TCF7: variants seen among roughly 807,000 people sequenced by gnomAD.
The protein encoded by TCF7 is transcription factor 7.
TCF7 carries 19 observed loss-of-function variants against 46.8 expected under a neutral mutation model. The observed-to-expected ratio is 0.41, with a 90% CI of 0.28 to 0.60. The LOEUF is 0.60. Ranked by LOEUF, TCF7 falls within the 20% of genes least tolerant of loss-of-function variation. The pLI, the probability that TCF7 is intolerant of heterozygous loss-of-function variation, is 0.35. For missense variants in TCF7, 547 were observed against 504.6 expected (o/e 1.08, Z -0.81); for synonymous variants, 245 against 213.4 (o/e 1.15, Z -1.29).
intron 6 of TCF7, 138 bp from the exon 7 acceptor site, chr5:134,142,583 G>A: frequency 1.7e-6 from 2 of 1,180,934 alleles, no homozygotes; most frequent in East Asian, 5.1e-5. Context: ...ACCCATTTGG[G>A]GGCAGCTAGG....
rs1760792127 is a variant in TCF7, at chr5:134,147,048, C to G, written c.*745C>G. On this transcript the variant is annotated 3_prime_UTR_variant, in exon 10 of 10. Coordinates refer to ENST00000342854, the MANE Select transcript of TCF7 (RefSeq NM_003202.5). ...TTTATAAAAACAAAAACAAAACCAGCTGCTACTCATAAGTTGGACCAGAGG... is the reference window on the plus strand; with the variant it reads ...TTTATAAAAACAAAAACAAAACCAGGTGCTACTCATAAGTTGGACCAGAGG... The G allele has an allele frequency of 6.3e-6, 1 of 158,590 alleles. No individual in the cohort carries two copies. 9.8% of individuals were successfully genotyped at this position (158,590 alleles called of 1,614,324 possible). A position where few individuals can be genotyped will look rare whatever the true frequency, so the allele number is the denominator to read the frequency against.
At chr5:134,115,554 G>T (rs928700592) in intron 2 of TCF7, 167 bp downstream of exon 2, 3 of 1,441,306 alleles carry the variant, frequency 2.1e-6, no homozygotes, top group Non-Finnish European at 2.7e-6. Context: ...GGCGCCGCCG[G>T]GTCGAGTCAC....
intron 3 of TCF7, among the ~76,000 whole-genome samples, chr5:134,135,982 ATT>A (rs1758806076): frequency 6.6e-6 from 1 of 152,202 alleles, no homozygotes; most frequent in Admixed American, 6.5e-5. Flanking sequence ...AGAATTGACC[ATT>A]GAGTTCAGGA....
intron 3 of TCF7, chr5:134,123,733 C>A (rs766217901): frequency 4.4e-6 from 2 of 456,152 alleles, no homozygotes; most frequent in African/African-American, 2.0e-5. Flanking sequence ...AGCTGATGGG[C>A]GCATGCAGCA....
At chr5:134,145,811 C>T in intron 9 of TCF7, 1 of 1,613,648 alleles carries the variant, frequency 6.2e-7, no homozygotes, top group Non-Finnish European at 8.5e-7. Flanking sequence ...CTTCCTCTAG[C>T]CCAGCTTGAG....
Position 134,142,605 on chromosome 5 carries a change from T to C in TCF7, c.756-116T>C. On this transcript the variant is annotated intron_variant, in intron 6 of 9. Coordinates refer to ENST00000342854, the MANE Select transcript of TCF7 (RefSeq NM_003202.5). The stretch of plus-strand genomic sequence containing the variant: ...TGGGGGCAGCTAGGAAAGATTCCAC[T>C]TAGAAAACTCTGGTATCATACACTT... 6 of 1,366,738 alleles carry C rather than the reference T, an allele frequency of 4.4e-6. No homozygotes were observed. The South Asian group carries it at 8.9e-5, about 20-fold the overall frequency. 84.7% of individuals were successfully genotyped at this position (1,366,738 alleles called of 1,614,324 possible). A position where few individuals can be genotyped will look rare whatever the true frequency, so the allele number is the denominator to read the frequency against.
At chr5:134,119,349 C>T (rs763718109) in intron 3 of TCF7, among the ~76,000 whole-genome samples, 1 of 151,960 alleles carries the variant, frequency 6.6e-6, no homozygotes, top group African/African-American at 2.4e-5. Context: ...GCCCAGGGAG[C>T]GACTGCTAAT....
intron 9 of TCF7, chr5:134,144,788 TG>T (rs764161706): frequency 8.7e-6 from 14 of 1,613,542 alleles, no homozygotes; most frequent in Non-Finnish European, 1.2e-5. Flanking sequence ...CTGGCATGGC[TG>T]TGAGCAGACC....
intron 5 of TCF7, chr5:134,140,391 A>G: frequency 5.5e-6 from 1 of 181,504 alleles, no homozygotes; most frequent in Non-Finnish European, 1.2e-5. Context: ...TTGGAATCTC[A>G]GGGATTTGAG....
At chr5:134,146,091 G>GACTT in intron 9 of TCF7, 133 bp from the exon 10 acceptor site, 1 of 1,598,194 alleles carries the variant, frequency 6.3e-7, no homozygotes, top group South Asian at 1.1e-5. Context: ...TGAGGACACT[G>GACTT]ACTTACCACC....
At chr5:134,143,669 G>T (rs370382761) in intron 9 of TCF7, 29 bp downstream of exon 9, 4 of 1,612,970 alleles carry the variant, frequency 2.5e-6, no homozygotes, top group Non-Finnish European at 3.4e-6. Context: ...AGCAGTGGAG[G>T]CTCCTCTCCA....
At chr5:134,140,622 CA>C (rs1759600399) in intron 5 of TCF7, 19 of 356,336 alleles carry the variant, frequency 5.3e-5, no homozygotes, top group South Asian at 3.9e-4. Flanking sequence ...AGCACCCATA[CA>C]AGTTTATAGA....
chr5:134,144,026 C>T (rs1358293990), intron 9 of TCF7: 1 of 204,322 alleles, frequency 4.9e-6, no homozygotes, highest in Non-Finnish European at 1.0e-5. Flanking sequence ...AGCTAGGCCC[C>T]ATGACTAGGC....
intron 3 of TCF7, among the ~76,000 whole-genome samples, chr5:134,129,865 C>A (rs1375441180): frequency 1.3e-5 from 2 of 152,258 alleles, no homozygotes; most frequent in Admixed American, 1.3e-4. Flanking sequence ...CCTAGCAGAG[C>A]TCTGTGCAAC....
chr5:134,116,679 C>G (rs1357114192), intron 3 of TCF7, among the ~76,000 whole-genome samples: 1 of 152,190 alleles, frequency 6.6e-6, no homozygotes, highest in Non-Finnish European at 1.5e-5. Context: ...TTAATTAATT[C>G]GTGAATTAAA....
chr5:134,147,017 G>A lies in TCF7; in HGVS notation c.*714G>A, dbSNP rs995144279. ...ACAGCTCTTCTAAGGAAATGGAGAA[G>A]CTCTGTTTATAAAAACAAAAACAAA... On this transcript the variant is annotated 3_prime_UTR_variant, in exon 10 of 10. Transcript: ENST00000342854. 3.7e-5 allele frequency: 6 copies of A among 160,232 alleles called. No homozygotes were observed. The highest frequency in any genetic ancestry group is 1.4e-4 in the African/African-American group (6 of 41,532). The allele number at this position is 160,232 out of a possible 1,614,324, so 9.9% of individuals were successfully genotyped here.
At chr5:134,115,181 T>G in intron 1 of TCF7, 26 bp downstream of exon 1, 5 of 1,057,024 alleles carry the variant, frequency 4.7e-6, no homozygotes, top group Non-Finnish European at 5.7e-6. Context: ...CGCCGGCTCC[T>G]CCCCCGCGGT....
chr5:134,130,822 G>A (rs1222028668), intron 3 of TCF7, among the ~76,000 whole-genome samples: 2 of 152,162 alleles, frequency 1.3e-5, no homozygotes, highest in South Asian at 2.1e-4. Context: ...GCTTACACAC[G>A]CCTCCCACCC....
intron 3 of TCF7, among the ~76,000 whole-genome samples, chr5:134,130,569 T>C (rs1757979273): frequency 6.6e-6 from 1 of 152,226 alleles, no homozygotes. Context: ...TTAGCACAAA[T>C]GCCCCATGTG....
Sources: allele counts gnomAD v4.1 joint callset (sites outside exome capture counted in the v4.1 genomes callset), GRCh38; gene constraint gnomAD v4.1.1; transcripts MANE v1.5; gene names NCBI Gene and HGNC (gene_info 2026-07-23, HGNC 2026-07-21).